The following LAPTM4B variants were observed in gnomAD, a reference collection of about 807,000 sequenced individuals.
LAPTM4B encodes the protein lysosomal protein transmembrane 4 beta.
In LAPTM4B, 26 loss-of-function variants were observed where a neutral mutation model predicts 28.5. That is an observed-to-expected ratio of 0.91 (90% CI 0.67 to 1.27). The LOEUF is 1.27. Among genes scored for constraint, LAPTM4B ranks in the 50% most tolerant of loss-of-function variants. The pLI, the probability that LAPTM4B is intolerant of heterozygous loss-of-function variation, is 0.00. For synonymous variants in LAPTM4B, 109 were observed against 106.4 expected, an observed-to-expected ratio of 1.02 and a Z score of -0.15; for missense variants, 288 against 285.8, an observed-to-expected ratio of 1.01 and a Z score of -0.06.
intron 6 of LAPTM4B, among the ~76,000 whole-genome samples, chr8:97,827,122 G>A (rs1356335210): frequency 2.6e-5 from 4 of 152,154 alleles, no homozygotes; most frequent in African/African-American, 7.2e-5. Context: ...AAGAGGAGGC[G>A]ATACATAGGT....
At chr8:97,789,498 C>A (rs1187791419) in intron 1 of LAPTM4B, among the ~76,000 whole-genome samples, 3 of 151,634 alleles carry the variant, frequency 2.0e-5, no homozygotes, top group African/African-American at 7.3e-5. Context: ...GTAGGTGGAA[C>A]CTGACATACC....
Position 97,846,181 on chromosome 8 carries a change from A to C in LAPTM4B, c.604-5216A>C, listed in dbSNP as rs531939589. 5.3e-5 allele frequency among the ~76,000 whole-genome samples: 8 copies of C among 151,924 alleles called. No individual in the cohort carries two copies. The South Asian group carries it at 1.7e-3, about 32-fold the overall frequency. ...ATCATATCTTTTAACGTTTTGTGAT[A>C]TATTTTTATGAATGTCTGAAGACCC... On this transcript the variant is annotated intron_variant, in intron 6 of 6. Coordinates refer to ENST00000521545, the MANE Select transcript of LAPTM4B (RefSeq NM_018407.6).
At chr8:97,787,105 T>A (rs954336851) in intron 1 of LAPTM4B, among the ~76,000 whole-genome samples, 1 of 151,948 alleles carries the variant, frequency 6.6e-6, no homozygotes, top group African/African-American at 2.4e-5. Context: ...GGTGGAGACA[T>A]TACCAGCACC....
At chr8:97,829,295 A>C (rs1045586544) in intron 6 of LAPTM4B, among the ~76,000 whole-genome samples, 7 of 152,102 alleles carry the variant, frequency 4.6e-5, no homozygotes, top group African/African-American at 1.7e-4. Context: ...CTTGGAGGGG[A>C]ATCTGTTGAA....
rs572990911 is a variant in LAPTM4B, at chr8:97,776,698, C to A, written c.99+590C>A. On this transcript the variant is annotated intron_variant, in intron 1 of 6. Transcript: ENST00000521545. ...ATCCTCTTGTGAATGGGTCCCCCCC[C>A]CGATGTTTTAAAGCCCTTACTCCAG... Among the ~76,000 whole-genome samples, 123 of 152,070 alleles carry A rather than the reference C, an allele frequency of 8.1e-4. 3 individuals carry two copies. Among genetic ancestry groups the A allele is most frequent in the African/African-American group, 2.6e-3 (107 of 41,458 alleles).
intron 1 of LAPTM4B, among the ~76,000 whole-genome samples, chr8:97,781,002 T>C (rs1459923762): frequency 6.6e-6 from 1 of 152,038 alleles, no homozygotes; most frequent in African/African-American, 2.4e-5. Flanking sequence ...ACAATTTTTT[T>C]TTTTTGAGAC....
intron 1 of LAPTM4B, among the ~76,000 whole-genome samples, chr8:97,804,437 C>T (rs1281320620): frequency 6.6e-6 from 1 of 152,170 alleles, no homozygotes; most frequent in African/African-American, 2.4e-5. Context: ...GGACAGGAGA[C>T]TTGTAGAGGT....
intron 6 of LAPTM4B, among the ~76,000 whole-genome samples, chr8:97,839,406 C>T (rs375844301): frequency 1.2e-4 from 19 of 152,046 alleles, no homozygotes; most frequent in African/African-American, 3.6e-4. Context: ...TTGCCCAGGC[C>T]GATCTCGAAC....
chr8:97,833,093 G>T (rs1051854527), intron 6 of LAPTM4B, among the ~76,000 whole-genome samples: 1 of 151,808 alleles, frequency 6.6e-6, no homozygotes, highest in Non-Finnish European at 1.5e-5. Context: ...CAGCACTTCG[G>T]GAGGCCGAGG....
intron 6 of LAPTM4B, among the ~76,000 whole-genome samples, chr8:97,850,261 C>T (rs1817502191): frequency 1.3e-5 from 2 of 151,918 alleles, no homozygotes; most frequent in African/African-American, 4.9e-5. Context: ...GTACAGGTGC[C>T]CTCTGCCTAG....
intron 5 of LAPTM4B, among the ~76,000 whole-genome samples, chr8:97,820,908 A>G (rs1486572151): frequency 2.6e-5 from 4 of 151,706 alleles, no homozygotes; most frequent in African/African-American, 7.2e-5. Flanking sequence ...TTTGTATTTT[A>G]GTAGAGACGG....
intron 1 of LAPTM4B, among the ~76,000 whole-genome samples, chr8:97,805,136 T>G (rs1337836992): frequency 2.0e-5 from 3 of 152,162 alleles, no homozygotes; most frequent in African/African-American, 7.2e-5. Flanking sequence ...ACTCCAAGCC[T>G]TGTGCACTTG....
At position 97,803,980 on chromosome 8, in the gene LAPTM4B, G is replaced by T. The variant is rs149655093; in HGVS notation, c.100-1373G>T. 4.1e-3 allele frequency among the ~76,000 whole-genome samples: 622 copies of T among 152,344 alleles called. 6 individuals are homozygous for T. The highest frequency in any genetic ancestry group is 0.024 in the Middle Eastern group (7 of 294). ...TTGTGGTAGGATATGCCATTAGTTA[G>T]TGTTGTTAGTAAGAGGCTTTTCTCT... On this transcript the variant is annotated intron_variant, in intron 1 of 6. Coordinates refer to ENST00000521545, the MANE Select transcript of LAPTM4B (RefSeq NM_018407.6).
Position 97,776,127 on chromosome 8 carries a change from G to A in LAPTM4B, c.99+19G>A. ...GTATCTGGTGAGCGCGGCGCGCCCG[G>A]CCCGGGACCCTGCGTTGCTTCCGCG... On this transcript the variant is annotated intron_variant, in intron 1 of 6. Transcript: ENST00000521545. The A allele has an allele frequency of 6.7e-7, 1 of 1,486,994 alleles. No homozygotes were observed. 92.1% of individuals were successfully genotyped at this position (1,486,994 alleles called of 1,614,324 possible).
At chr8:97,793,538 C>T (rs1200700060) in intron 1 of LAPTM4B, among the ~76,000 whole-genome samples, 5 of 152,130 alleles carry the variant, frequency 3.3e-5, no homozygotes, top group Admixed American at 2.0e-4. Context: ...AATGAATCTT[C>T]GGCCAACAGC....
chr8:97,781,703 T>G (rs1816323228), intron 1 of LAPTM4B, among the ~76,000 whole-genome samples: 1 of 152,260 alleles, frequency 6.6e-6, no homozygotes, highest in Non-Finnish European at 1.5e-5. Context: ...ATCCCTGCCA[T>G]ATCCCCAATC....
chr8:97,831,093 CGACTGTT>C (rs1357321305), intron 6 of LAPTM4B, among the ~76,000 whole-genome samples: 2 of 152,116 alleles, frequency 1.3e-5, no homozygotes, highest in Non-Finnish European at 2.9e-5. Flanking sequence ...TGTTTTTAAA[CGACTGTT>C]GGCCTTTTCT....
At chr8:97,812,407 A>G (rs1481255215) in intron 2 of LAPTM4B, among the ~76,000 whole-genome samples, 2 of 151,700 alleles carry the variant, frequency 1.3e-5, no homozygotes, top group Non-Finnish European at 2.9e-5. Flanking sequence ...GGGTTTCACC[A>G]TGTTGGACAG....
At chr8:97,829,693 C>CTTTT (rs534166331) in intron 6 of LAPTM4B, among the ~76,000 whole-genome samples, 1 of 146,934 alleles carries the variant, frequency 6.8e-6, no homozygotes. Flanking sequence ...TCTTTTCTTT[C>CTTTT]TTCTTTTTTT....
Sources: gnomAD v4.1 joint callset for allele counts (sites outside exome capture counted in the v4.1 genomes callset) on GRCh38, gnomAD v4.1.1 for gene constraint, MANE v1.5 for transcripts, NCBI Gene and HGNC (gene_info 2026-07-23, HGNC 2026-07-21) for gene names.